Variants in ANKRD18A observed in about 807,000 individuals in gnomAD.
ANKRD18A encodes ankyrin repeat domain-containing protein 18A.
In ANKRD18A, 72 loss-of-function variants were observed where a neutral mutation model predicts 110.6. The observed-to-expected ratio is 0.65, with a 90% CI of 0.54 to 0.79. ANKRD18A has a LOEUF of 0.79. Ranked by LOEUF, ANKRD18A falls within the 30% of genes least tolerant of loss-of-function variation. The probability of loss-of-function intolerance (pLI) is 0.00; values close to 1 mark genes in which losing one functional copy is unlikely to be tolerated. For synonymous variants in ANKRD18A, 305 were observed against 410.3 expected, an observed-to-expected ratio of 0.74 and a Z score of 3.10; for missense variants, 934 against 1,163.3, an observed-to-expected ratio of 0.80 and a Z score of 2.87.
In ANKRD18A at chr9:38,595,791, G is replaced by C; in HGVS notation, c.1549C>G (p.Arg517Gly). Residue 517 changes from arginine to glycine, a missense_variant, in exon 9 of 16, where the codon CGA becomes GGA. Transcript: ENST00000399703. Reference protein sequence around the residue: ...VQLDLRQAQHRIKEMKQMHPN... With the variant: ...VQLDLRQAQHGIKEMKQMHPN... ...TGCATCTGCTTCATTTCCTTTATTC[G>C]ATGCTGTGCTTGCCTTAGGTCCAGC... 6.4e-7 allele frequency: 1 copy of C among 1,550,782 alleles called. No homozygotes were observed. The highest frequency in any genetic ancestry group is 1.2e-5 in the South Asian group (1 of 83,914).
At chr9:38,570,873 G>A (rs1445771416), downstream of ANKRD18A, among the ~76,000 whole-genome samples, 2 of 152,230 alleles carry the variant, frequency 1.3e-5, no homozygotes, top group Non-Finnish European at 2.9e-5. Flanking sequence ...ACAATGAGGT[G>A]GCCTGGCACT....
downstream of ANKRD18A, chr9:38,569,587 G>C: frequency 7.0e-6 from 2 of 287,532 alleles, no homozygotes; most frequent in Non-Finnish European, 1.0e-5. Context: ...CTTGGGTCAA[G>C]AGGGCCCAGA....
intron 3 of ANKRD18A, among the ~76,000 whole-genome samples, chr9:38,614,148 A>G (rs757600782): frequency 5.9e-5 from 9 of 151,890 alleles, no homozygotes; most frequent in Non-Finnish European, 1.3e-4. Flanking sequence ...TATGTCTTTG[A>G]CATACAGGAA....
At chr9:38,583,919 G>A (rs145461976) in intron 12 of ANKRD18A, among the ~76,000 whole-genome samples, 12 of 152,212 alleles carry the variant, frequency 7.9e-5, no homozygotes, top group Admixed American at 2.0e-4. Context: ...CAGATAAAAC[G>A]TCCGGTGCAG....
downstream of ANKRD18A, among the ~76,000 whole-genome samples, chr9:38,569,961 C>T (rs2118595406): frequency 6.6e-6 from 1 of 152,298 alleles, no homozygotes; most frequent in African/African-American, 2.4e-5. Flanking sequence ...TTCTCACGTT[C>T]TCTTTCCAGC....
At chr9:38,612,745 C>T (rs900613407) in intron 3 of ANKRD18A, among the ~76,000 whole-genome samples, 36 of 152,126 alleles carry the variant, frequency 2.4e-4, no homozygotes, top group African/African-American at 7.7e-4. Context: ...TCTCCATCTC[C>T]TGACCTCGTG....
intron 1 of ANKRD18A, among the ~76,000 whole-genome samples, chr9:38,619,465 A>G (rs1279618887): frequency 6.6e-6 from 1 of 152,220 alleles, no homozygotes. Flanking sequence ...GTGGGAATTA[A>G]TAGCACATTT....
chr9:38,613,222 AG>A (rs1220110972), intron 3 of ANKRD18A, among the ~76,000 whole-genome samples: 1 of 150,558 alleles, frequency 6.6e-6, no homozygotes, highest in African/African-American at 2.4e-5. Flanking sequence ...ACCTCTGCGC[AG>A]CAGACCAAGC....
At chr9:38,568,874 C>T (rs1423832490), downstream of ANKRD18A, 24 of 985,422 alleles carry the variant, frequency 2.4e-5, no homozygotes, top group Non-Finnish European at 2.9e-5. Flanking sequence ...GTATGGATCT[C>T]GCTCCCCAGC....
At chr9:38,569,653 G>C (rs1289564691), downstream of ANKRD18A, among the ~76,000 whole-genome samples, 1 of 152,172 alleles carries the variant, frequency 6.6e-6, no homozygotes, top group Non-Finnish European at 1.5e-5. Flanking sequence ...GTTTGTGTAT[G>C]CGTGTGTGTG....
Position 38,596,243 on chromosome 9 carries a change from T to G in ANKRD18A, c.1097A>C (p.Asn366Thr). Reference protein sequence around the residue: ...IQEIKSITEINANFEKSVRLN... With the variant: ...IQEIKSITEITANFEKSVRLN... ...TCTTACACTCTTTTCAAAGTTAGCA[T>G]TTATTTCTGTAATGCTTTTAATTTC... The change falls in exon 9 of 16, where the codon AAT (asparagine) becomes ACT (threonine). Residue 366 changes from asparagine (N) to threonine (T), a missense_variant. Transcript: ENST00000399703. The G allele has an allele frequency of 6.5e-7, 1 of 1,534,980 alleles. No homozygotes were observed. The highest frequency in any genetic ancestry group is 1.3e-5 in the South Asian group (1 of 79,272).
Position 38,571,682 on chromosome 9 carries a change from CAAT to C in ANKRD18A, c.*360_*362del. 1.9e-6 allele frequency: 2 copies of C among 1,029,384 alleles called. No homozygotes were observed. The highest frequency in any genetic ancestry group is 2.3e-6 in the Non-Finnish European group (2 of 859,690). 63.8% of individuals were successfully genotyped at this position (1,029,384 alleles called of 1,614,324 possible). A position where few individuals can be genotyped will look rare whatever the true frequency, so the allele number is the denominator to read the frequency against. ...CCCTCGATGACCTTTACTAAAGTAT[CAAT>C]GATGACTTGGTTGTTTGGCTGTTTA... On this transcript the variant is annotated 3_prime_UTR_variant, in exon 16 of 16. Coordinates refer to ENST00000399703, the MANE Select transcript of ANKRD18A (RefSeq NM_147195.4).
chr9:38,597,234 G>C (rs1007961793), intron 8 of ANKRD18A, among the ~76,000 whole-genome samples: 5 of 152,142 alleles, frequency 3.3e-5, no homozygotes, highest in African/African-American at 9.7e-5. Flanking sequence ...CAGAAAAGAA[G>C]CTTTCCCTTT....
At chr9:38,615,178 C>A (rs2381858) in intron 3 of ANKRD18A, among the ~76,000 whole-genome samples, 16,629 of 152,188 alleles carry the variant, frequency 0.11, 993 homozygotes, top group African/African-American at 0.12. Flanking sequence ...CCCTGTTAAA[C>A]CTTGCCCATG....
chr9:38,612,812 C>T (rs966801015), intron 3 of ANKRD18A, among the ~76,000 whole-genome samples: 11 of 151,920 alleles, frequency 7.2e-5, no homozygotes, highest in African/African-American at 1.7e-4. Context: ...CCATTGCACC[C>T]GGCCGTCACT....
In ANKRD18A at chr9:38,611,437, G is replaced by C. The variant is rs1825617544; in HGVS notation, c.496-116C>G. Reference sequence around the variant, plus strand: ...CATGCAATATAGAGAGAAAGTAAATGCAAAGCAGTCCCGTCCCTTTCACTC... The same window carrying C: ...CATGCAATATAGAGAGAAAGTAAATCCAAAGCAGTCCCGTCCCTTTCACTC... On this transcript the variant is annotated intron_variant, in intron 3 of 15. Transcript: ENST00000399703. 3 of 1,477,754 alleles carry C rather than the reference G, an allele frequency of 2.0e-6. No individual in the cohort carries two copies. In the South Asian group the frequency reaches 4.3e-5, roughly 21 times the overall value. The allele number at this position is 1,477,754 out of a possible 1,614,324, so 91.5% of individuals were successfully genotyped here.
chr9:38,595,670 T>A lies in ANKRD18A; in HGVS notation c.1670A>T (p.Glu557Val). 9 of 1,551,266 alleles carry A rather than the reference T, an allele frequency of 5.8e-6. No homozygotes were observed. The highest frequency in any genetic ancestry group is 7.8e-6 in the Non-Finnish European group (9 of 1,146,686). ...CTTACGAGCATCCTCTAGTTGTCGTTCAAGCAAGAGATTTTCAAGTTCTTG... is the reference window on the plus strand; with the variant it reads ...CTTACGAGCATCCTCTAGTTGTCGTACAAGCAAGAGATTTTCAAGTTCTTG... ...RQQELENLLL[E>V]RQLEDARKEG... is the part of the protein sequence containing the mutation. Residue 557 changes from glutamate to valine, a missense_variant, in exon 9 of 16, where the codon GAA becomes GTA. Physicochemically the swap from Glu to Val is moderately radical, Grantham distance 121. This residue lies in a region of ANKRD18A where 630 missense variants were observed against 797.5 expected (regional missense o/e 0.79). Transcript: ENST00000399703.
At chr9:38,619,979 G>A in intron 1 of ANKRD18A, 101 bp downstream of exon 1, 1 of 1,411,798 alleles carries the variant, frequency 7.1e-7, no homozygotes, top group Non-Finnish European at 9.4e-7. Context: ...CTGCTCCGAG[G>A]GTGCCCGGCG....
At chr9:38,591,432 T>G (rs924095320) in intron 10 of ANKRD18A, among the ~76,000 whole-genome samples, 47 of 152,324 alleles carry the variant, frequency 3.1e-4, no homozygotes, top group African/African-American at 1.1e-3. Flanking sequence ...ACCATCTACT[T>G]CACTGGGATG....
Sources: gnomAD v4.1 joint callset for allele counts (sites outside exome capture counted in the v4.1 genomes callset) on GRCh38, gnomAD v4.1.1 for gene constraint, gnomAD v4.1.1 regional missense constraint, MANE v1.5 for transcripts, NCBI Gene and HGNC (gene_info 2026-07-23, HGNC 2026-07-21) for gene names.